Variants in DCAF8L2 observed in about 807,000 individuals in gnomAD.
The protein encoded by DCAF8L2 is DDB1 and CUL4 associated factor 8 like 2, also known as DDB1- and CUL4-associated factor 8-like protein 2.
For synonymous variants in DCAF8L2, 200 were observed against 190.9 expected (o/e 1.05, Z -0.39); for missense variants, 430 against 490.7 (o/e 0.88, Z 1.17).
intron 3 of DCAF8L2, among the ~76,000 whole-genome samples, chrX:27,707,868 A>T (rs1237597956): frequency 8.9e-6 from 1 of 111,828 alleles, no homozygotes; most frequent in East Asian, 2.8e-4. Context: ...ACAAAGTAGA[A>T]TTTTGTGATT....
intron 2 of DCAF8L2, among the ~76,000 whole-genome samples, chrX:27,665,772 T>C (rs1199755392): frequency 8.9e-6 from 1 of 112,085 alleles, no homozygotes; most frequent in Admixed American, 9.5e-5. Flanking sequence ...AGCAAAAAGA[T>C]CATGACTCGC....
chrX:27,474,762 T>C, the DCAF8L2 span, among the ~76,000 whole-genome samples: 1 of 111,797 alleles, frequency 8.9e-6, no homozygotes, highest in Non-Finnish European at 1.9e-5. Flanking sequence ...TCTTATTGGC[T>C]CAATGGTTAG....
intron 3 of DCAF8L2, among the ~76,000 whole-genome samples, chrX:27,703,838 T>C (rs976708499): frequency 3.6e-5 from 4 of 110,367 alleles, no homozygotes; most frequent in African/African-American, 1.3e-4. Flanking sequence ...AGGCAATGTT[T>C]TCTTAGATAT....
chrX:27,706,226 C>T (rs1381174945), intron 3 of DCAF8L2, among the ~76,000 whole-genome samples: 2 of 111,238 alleles, frequency 1.8e-5, no homozygotes, highest in African/African-American at 6.5e-5. Flanking sequence ...AGTTGGATAA[C>T]GTGATGCCTC....
the DCAF8L2 span, among the ~76,000 whole-genome samples, chrX:27,585,182 C>T: frequency 1.8e-5 from 2 of 111,239 alleles, no homozygotes; most frequent in East Asian, 5.6e-4. Flanking sequence ...ACTATTTCAT[C>T]GTCTATGAAA....
chrX:27,590,253 T>G (rs1926008275), upstream of DCAF8L2: 1 of 111,416 alleles, frequency 9.0e-6, no homozygotes, highest in Non-Finnish European at 1.9e-5. Context: ...GAGCGCTTGA[T>G]AAAATGGTGC....
intron 3 of DCAF8L2, among the ~76,000 whole-genome samples, chrX:27,678,833 T>C (rs1299978282): frequency 1.8e-5 from 2 of 111,751 alleles, no homozygotes; most frequent in African/African-American, 3.3e-5. Context: ...AAATGGTAAA[T>C]TTTATATTAT....
In DCAF8L2 at chrX:27,729,591, G is replaced by A. The variant is rs865854104; in HGVS notation, c.-59+13420G>A. Among the ~76,000 whole-genome samples the A allele has an allele frequency of 1.4e-4, 16 of 112,033 alleles. No homozygotes were observed. The South Asian group carries it at 1.5e-3, about 10-fold the overall frequency. On this transcript the variant is annotated intron_variant, in intron 4 of 4. Transcript: ENST00000451261. Reference sequence around the variant, plus strand: ...CTGGGAAGCCCAAGGTCAAGGTGCAGGTAGATTCAGTGTCTGGTAAGGCCT... The same window carrying A: ...CTGGGAAGCCCAAGGTCAAGGTGCAAGTAGATTCAGTGTCTGGTAAGGCCT...
At chrX:27,519,810 C>T in the DCAF8L2 span, 3 of 440,275 alleles carry the variant, frequency 6.8e-6, no homozygotes, top group East Asian at 1.1e-4. Flanking sequence ...TAAATACGAA[C>T]AATTATCATG....
chrX:27,646,566 G>C (rs1482676314), intron 2 of DCAF8L2, among the ~76,000 whole-genome samples: 2 of 111,335 alleles, frequency 1.8e-5, no homozygotes, highest in Non-Finnish European at 3.8e-5. Context: ...TGACAAATGG[G>C]ACCTAATTAA....
the DCAF8L2 span, among the ~76,000 whole-genome samples, chrX:27,490,308 G>C: frequency 8.9e-6 from 1 of 111,883 alleles, no homozygotes; most frequent in Non-Finnish European, 1.9e-5. Context: ...TGTTGAGGTG[G>C]GGTGTTTCTG....
chrX:27,706,943 C>T (rs955674030), intron 3 of DCAF8L2, among the ~76,000 whole-genome samples: 1 of 112,238 alleles, frequency 8.9e-6, no homozygotes, highest in Non-Finnish European at 1.9e-5. Context: ...GAATGCTTTT[C>T]AGCAAAAATA....
At chrX:27,533,466 T>A in the DCAF8L2 span, among the ~76,000 whole-genome samples, 1 of 111,464 alleles carries the variant, frequency 9.0e-6, no homozygotes, top group African/African-American at 3.3e-5. Flanking sequence ...TGGGGAAATG[T>A]ATTTACATAG....
chrX:27,495,893 T>C, the DCAF8L2 span, among the ~76,000 whole-genome samples: 1 of 112,130 alleles, frequency 8.9e-6, no homozygotes, highest in Non-Finnish European at 1.9e-5. Context: ...TGTGTGAAAG[T>C]GGTTAACATT....
At chrX:27,487,934 C>T in the DCAF8L2 span, among the ~76,000 whole-genome samples, 160 of 111,925 alleles carry the variant, frequency 1.4e-3, no homozygotes, top group Middle Eastern at 4.6e-3. Flanking sequence ...TAGTGATTTG[C>T]CTTTTCTGGA....
chrX:27,645,874 C>T, intron 2 of DCAF8L2, among the ~76,000 whole-genome samples: 1 of 111,281 alleles, frequency 9.0e-6, no homozygotes, highest in Non-Finnish European at 1.9e-5. Context: ...TGAAGGACCT[C>T]TTCAAGGCGA....
intron 3 of DCAF8L2, chrX:27,712,436 T>C (rs760696291): frequency 8.9e-6 from 1 of 112,120 alleles, no homozygotes; most frequent in Non-Finnish European, 1.9e-5. Context: ...AAGGGGTCAG[T>C]GGCTCAAATT....
chrX:27,554,856 A>G, the DCAF8L2 span, among the ~76,000 whole-genome samples: 9 of 111,721 alleles, frequency 8.1e-5, no homozygotes, highest in Non-Finnish European at 1.5e-4. Context: ...GTAATACACC[A>G]AGGAGCAGAC....
intron 2 of DCAF8L2, among the ~76,000 whole-genome samples, chrX:27,644,883 T>C (rs1928881089): frequency 8.9e-6 from 1 of 111,774 alleles, no homozygotes; most frequent in African/African-American, 3.3e-5. Context: ...GCCTCCCAAG[T>C]AGCTGAGATT....
Sources: gnomAD v4.1 joint callset for allele counts (sites outside exome capture counted in the v4.1 genomes callset) on GRCh38, gnomAD v4.1.1 for gene constraint, MANE v1.5 for transcripts, NCBI Gene and HGNC (gene_info 2026-07-23, HGNC 2026-07-21) for gene names.